The following BRWD3 variants were observed in gnomAD, a reference collection of about 807,000 sequenced individuals.
BRWD3 encodes bromodomain and WD repeat domain containing 3, also known as bromodomain and WD repeat-containing protein 3.
A neutral mutation model predicts 149.7 loss-of-function variants in BRWD3; 10 were observed. That is an observed-to-expected ratio of 0.07 (90% CI 0.04 to 0.11). The LOEUF is 0.11. BRWD3 is among the 10% of genes least tolerant of loss of function. The probability of loss-of-function intolerance (pLI) is 1.00; values close to 1 mark genes in which losing one functional copy is unlikely to be tolerated. For missense variants in BRWD3, 940 were observed against 1,373.2 expected (o/e 0.68, Z 4.99); for synonymous variants, 504 against 456.7 (o/e 1.10, Z -1.32).
rs763396242 is a variant in BRWD3 at position 80,809,229 on chromosome X, CTCTT to C, written c.90+13_90+16del. On this transcript the variant is annotated intron_variant, in intron 2 of 40. Coordinates refer to ENST00000373275, the MANE Select transcript of BRWD3 (RefSeq NM_153252.5). ...GGACCATTCACCACGACTCCCAGAT[CTCTT>C]TCTTCCCCTTACCTGAGCGGATTTG... 7 of 1,195,388 alleles carry C rather than the reference CTCTT, an allele frequency of 5.9e-6. No homozygotes were observed. The South Asian group carries it at 1.3e-4, about 22-fold the overall frequency.
At chrX:80,682,196 C>T in intron 38 of BRWD3, 102 bp from the exon 39 acceptor site, 1 of 698,910 alleles carries the variant, frequency 1.4e-6, no homozygotes, top group Non-Finnish European at 2.2e-6. Context: ...CAGGTATTAG[C>T]TGGCCAAAGA....
intron 6 of BRWD3, among the ~76,000 whole-genome samples, chrX:80,762,945 C>T (rs1198098064): frequency 2.7e-5 from 3 of 110,129 alleles, no homozygotes; most frequent in Non-Finnish European, 3.8e-5. Flanking sequence ...AGGAATACCA[C>T]GCAAAAGTTT....
chrX:80,678,573 T>C lies in BRWD3; in HGVS notation c.4655-1210A>G, dbSNP rs746060586. ...GCGGAAATTTTCAGTAAAGAGATAA[T>C]ATTTAGGGTAATGAGAACTAGGAGA... On this transcript the variant is annotated intron_variant, in intron 40 of 40. Transcript: ENST00000373275. Among the ~76,000 whole-genome samples, 8 of 111,219 alleles carry C rather than the reference T, an allele frequency of 7.2e-5. No individual in the cohort carries two copies. The East Asian group carries it at 2.0e-3, about 28-fold the overall frequency.
chrX:80,715,632 C>T (rs929400371), intron 20 of BRWD3, among the ~76,000 whole-genome samples: 1 of 112,183 alleles, frequency 8.9e-6, no homozygotes, highest in Non-Finnish European at 1.9e-5. Flanking sequence ...CTGCAAAGGA[C>T]CAAAGTGTAA....
In BRWD3 at chrX:80,704,663, T is replaced by C; in HGVS notation, c.2721+15A>G. On this transcript the variant is annotated intron_variant, in intron 23 of 40. Transcript: ENST00000373275. ...AAAAAATAACAAAAACAAAATAACTTATAAAGTTACAAACCTTCTTTCTAG... is the reference window on the plus strand; with the variant it reads ...AAAAAATAACAAAAACAAAATAACTCATAAAGTTACAAACCTTCTTTCTAG... The C allele has an allele frequency of 8.3e-7, 1 of 1,205,062 alleles. No homozygotes were observed. Among genetic ancestry groups the C allele is most frequent in the Non-Finnish European group, 1.1e-6 (1 of 891,626 alleles).
chrX:80,697,411 A>G (rs376547361), intron 25 of BRWD3, among the ~76,000 whole-genome samples: 24 of 110,743 alleles, frequency 2.2e-4, no homozygotes, highest in Admixed American at 6.7e-4. Context: ...TTTCTAGTGT[A>G]CCCATCCTCC....
chrX:80,780,035 T>C (rs1423076088), intron 6 of BRWD3, among the ~76,000 whole-genome samples: 1 of 111,933 alleles, frequency 8.9e-6, no homozygotes, highest in Non-Finnish European at 1.9e-5. Context: ...ACTTATATAA[T>C]TTGGAATGAT....
chrX:80,673,279 G>T lies in BRWD3; in HGVS notation c.*3330C>A, dbSNP rs1194208084. On this transcript the variant is annotated 3_prime_UTR_variant, in exon 41 of 41. Coordinates refer to ENST00000373275, the MANE Select transcript of BRWD3 (RefSeq NM_153252.5). ...AACACAAGCCTGATTTCTGGGGAGGGAAAAAAAAGAAAAAAAATTAAAAAG... is the reference window on the plus strand; with the variant it reads ...AACACAAGCCTGATTTCTGGGGAGGTAAAAAAAAGAAAAAAAATTAAAAAG... 1 of 107,515 alleles carries T rather than the reference G, an allele frequency of 9.3e-6. No homozygotes were observed. The highest frequency in any genetic ancestry group is 1.9e-5 in the Non-Finnish European group (1 of 51,870). 8.9% of individuals were successfully genotyped at this position (107,515 alleles called of 1,213,427 possible).
At chrX:80,782,836 G>A (rs953909046) in intron 6 of BRWD3, among the ~76,000 whole-genome samples, 2 of 110,519 alleles carry the variant, frequency 1.8e-5, no homozygotes, top group Non-Finnish European at 3.8e-5. Flanking sequence ...GTTCGTGGCT[G>A]CAGTGAGCTA....
intron 4 of BRWD3, among the ~76,000 whole-genome samples, chrX:80,794,048 C>T (rs910138317): frequency 3.6e-5 from 4 of 110,854 alleles, no homozygotes; most frequent in African/African-American, 1.3e-4. Context: ...CGTGGTGCTG[C>T]ACGCCTGTAA....
chrX:80,749,413 T>C (rs2073636417), intron 6 of BRWD3, among the ~76,000 whole-genome samples: 1 of 111,808 alleles, frequency 8.9e-6, no homozygotes. Context: ...GCCAAACTTC[T>C]TGATGAACTA....
rs192763674 is a variant in BRWD3, at chrX:80,709,694, C to G, written c.2326-117G>C. On this transcript the variant is annotated intron_variant, in intron 20 of 40. Transcript: ENST00000373275. ...GGTGAGTAGGAGATGAGAATAAATT[C>G]CCCAAAATAAAGTCAACATAGAACT... The G allele has an allele frequency of 2.1e-4, 130 of 605,427 alleles. 1 individual carries two copies. The African/African-American group carries it at 2.8e-3, about 13-fold the overall frequency. 49.9% of individuals were successfully genotyped at this position (605,427 alleles called of 1,213,427 possible).
At chrX:80,703,238 G>C (rs915076056) in intron 24 of BRWD3, among the ~76,000 whole-genome samples, 11 of 110,798 alleles carry the variant, frequency 9.9e-5, no homozygotes, top group Non-Finnish European at 2.1e-4. Context: ...TTCACAAGCT[G>C]ATTAATTTAT....
intron 8 of BRWD3, among the ~76,000 whole-genome samples, chrX:80,741,688 CT>C (rs201943370): frequency 0.034 from 3,846 of 112,121 alleles, 65 homozygotes; most frequent in Non-Finnish European, 0.049. Flanking sequence ...TCATGTGTCT[CT>C]TGGCTGCATA....
chrX:80,722,900 T>C, intron 16 of BRWD3, 113 bp from the exon 17 acceptor site: 1 of 645,428 alleles, frequency 1.5e-6, no homozygotes, highest in East Asian at 3.5e-5. Context: ...TTGCATACTC[T>C]TCTAGTCCTT....
intron 20 of BRWD3, among the ~76,000 whole-genome samples, chrX:80,715,369 A>G (rs1331021004): frequency 8.9e-6 from 1 of 111,975 alleles, no homozygotes. Flanking sequence ...TCAATTATGG[A>G]AAAAAATGCA....
At chrX:80,784,806 T>G in intron 6 of BRWD3, among the ~76,000 whole-genome samples, 1 of 112,033 alleles carries the variant, frequency 8.9e-6, no homozygotes, top group Middle Eastern at 4.6e-3. Context: ...TTTGGGTTGG[T>G]TCCATGTCTT....
In BRWD3 at chrX:80,686,765, G is replaced by GA. The variant is rs758839631; in HGVS notation, c.4005+97dup. The GA allele has an allele frequency of 6.3e-5, 56 of 895,856 alleles. No individual in the cohort carries two copies. The Middle Eastern group carries it at 4.0e-3, about 64-fold the overall frequency. The allele number at this position is 895,856 out of a possible 1,213,427, so 73.8% of individuals were successfully genotyped here. ...ATCAAAAGACTGGAAAAAAAGAAAG[G>GA]AAAGGAGAGGTGAGAAAATTGCTCT... On this transcript the variant is annotated intron_variant, in intron 35 of 40. Transcript: ENST00000373275.
chrX:80,693,126 T>C, intron 27 of BRWD3, 75 bp from the exon 28 acceptor site: 2 of 807,267 alleles, frequency 2.5e-6, no homozygotes, highest in South Asian at 2.1e-5. Flanking sequence ...TTACTACTTT[T>C]TGTTGACAAC....
Sources: gnomAD v4.1 joint callset for allele counts (sites outside exome capture counted in the v4.1 genomes callset) on GRCh38, gnomAD v4.1.1 for gene constraint, MANE v1.5 for transcripts, NCBI Gene and HGNC (gene_info 2026-07-23, HGNC 2026-07-21) for gene names.